Variants in ANTXR1 observed in about 807,000 individuals in gnomAD.
ANTXR1 encodes the protein anthrax toxin receptor 1.
Under a neutral mutation model 78.1 loss-of-function variants are expected in ANTXR1, and 19 were observed. The ratio of observed to expected loss-of-function variants is 0.24; its 90% CI spans 0.17 to 0.36. ANTXR1 has a LOEUF of 0.36. ANTXR1 is among the 10% of genes least tolerant of loss of function. The pLI is 1.00. For missense variants in ANTXR1, 518 were observed against 718.6 expected (o/e 0.72, Z 3.19); for synonymous variants, 273 against 260.5 (o/e 1.05, Z -0.46).
rs184111984 is a variant in ANTXR1, at chr2:69,024,596, C to A, written c.152+10945C>A. On this transcript the variant is annotated intron_variant, in intron 1 of 17. Transcript: ENST00000303714. ...GGGGGAAGGGGTGATCATTCAGATGCTTTCTCCTGAAATCATCTCCTCCTC... is the reference window on the plus strand; with the variant it reads ...GGGGGAAGGGGTGATCATTCAGATGATTTCTCCTGAAATCATCTCCTCCTC... 1.2e-3 allele frequency among the ~76,000 whole-genome samples: 190 copies of A among 152,210 alleles called. 1 individual carries two copies. The highest frequency in any genetic ancestry group is 4.4e-3 in the African/African-American group (183 of 41,530).
At chr2:69,231,908 G>A (rs1675606791) in intron 17 of ANTXR1, among the ~76,000 whole-genome samples, 1 of 152,098 alleles carries the variant, frequency 6.6e-6, no homozygotes, top group African/African-American at 2.4e-5. Context: ...AGGGAGTAGA[G>A]GCATAGACCC....
intron 17 of ANTXR1, among the ~76,000 whole-genome samples, chr2:69,228,841 C>G (rs558205045): frequency 6.6e-6 from 1 of 152,312 alleles, no homozygotes; most frequent in South Asian, 2.1e-4. Flanking sequence ...GGATGCTTCT[C>G]TTAGTGTGCT....
chr2:69,175,345 C>T (rs1412048186), intron 14 of ANTXR1, among the ~76,000 whole-genome samples: 1 of 152,160 alleles, frequency 6.6e-6, no homozygotes, highest in East Asian at 1.9e-4. Flanking sequence ...TATGGTGACT[C>T]ACTCCTGTAA....
At position 69,142,558 on chromosome 2, in the gene ANTXR1, C is replaced by A. The variant is rs978784395; in HGVS notation, c.952-9611C>A. 2.6e-5 allele frequency among the ~76,000 whole-genome samples: 4 copies of A among 152,186 alleles called. No homozygotes were observed. The East Asian group carries it at 7.7e-4, about 29-fold the overall frequency. ...CTGGTCTCTGTTTCCCACTCAATGA[C>A]AAGGGCCATGATTGGCAAAACCGTG... On this transcript the variant is annotated intron_variant, in intron 12 of 17. Transcript: ENST00000303714.
chr2:69,019,501 TCTC>T (rs1671118224), intron 1 of ANTXR1, among the ~76,000 whole-genome samples: 1 of 152,190 alleles, frequency 6.6e-6, no homozygotes, highest in South Asian at 2.1e-4. Flanking sequence ...AACAATTTTA[TCTC>T]CTCTTTTCTC....
chr2:69,197,397 T>G (rs984493092), intron 17 of ANTXR1, among the ~76,000 whole-genome samples: 4 of 152,138 alleles, frequency 2.6e-5, no homozygotes, highest in African/African-American at 9.7e-5. Context: ...GGCAAGCCTT[T>G]CCATTTCATA....
chr2:69,241,899 C>T (rs778155904), intron 17 of ANTXR1, among the ~76,000 whole-genome samples: 1 of 152,158 alleles, frequency 6.6e-6, no homozygotes, highest in Non-Finnish European at 1.5e-5. Context: ...CCTCCTAATA[C>T]CTGTAAGTGA....
rs767424618 is a variant in ANTXR1, at chr2:69,071,739, T to C, written c.379-15T>C. On this transcript the variant is annotated splice_polypyrimidine_tract_variant and intron_variant, in intron 4 of 17. Coordinates refer to ENST00000303714, the MANE Select transcript of ANTXR1 (RefSeq NM_032208.3). ...AGTGGTTATAAGTCTAAGGGCTCTT[T>C]CATATGTTTTTCAGGCCAGTGAGCA... The C allele has an allele frequency of 6.2e-7, 1 of 1,613,818 alleles. No homozygotes were observed. Among genetic ancestry groups the C allele is most frequent in the Non-Finnish European group, 8.5e-7 (1 of 1,179,744 alleles).
chr2:69,113,844 C>T lies in ANTXR1; in HGVS notation c.803-9173C>T, dbSNP rs773438413. Among the ~76,000 whole-genome samples, 4 of 152,188 alleles carry T rather than the reference C, an allele frequency of 2.6e-5. No individual in the cohort carries two copies. The South Asian group carries it at 6.2e-4, about 24-fold the overall frequency. On this transcript the variant is annotated intron_variant, in intron 10 of 17. Coordinates refer to ENST00000303714, the MANE Select transcript of ANTXR1 (RefSeq NM_032208.3). ...GCTTTGCAAATATTTGTATTCTTAG[C>T]AAGTTATAGCTGTTTTAAGTGCTGC...
chr2:69,189,067 T>C (rs1372983063), intron 16 of ANTXR1, among the ~76,000 whole-genome samples: 4 of 152,260 alleles, frequency 2.6e-5, no homozygotes, highest in African/African-American at 4.8e-5. Flanking sequence ...ACACTGTTTT[T>C]CTAAAGCTCT....
chr2:69,121,055 C>T lies in ANTXR1; in HGVS notation c.803-1962C>T, dbSNP rs568338633. The stretch of plus-strand genomic sequence containing the variant: ...CTCCCACTCCATCCCATCACCCAAC[C>T]TCAGGTTTCAGCTTAAATAGCCTTT... On this transcript the variant is annotated intron_variant, in intron 10 of 17. Transcript: ENST00000303714. Among the ~76,000 whole-genome samples the T allele has an allele frequency of 2.0e-5, 3 of 152,320 alleles. No homozygotes were observed. The East Asian group carries it at 5.8e-4, about 29-fold the overall frequency.
Position 69,183,912 on chromosome 2 carries a change from CT to C in ANTXR1, c.1353+1254del, listed in dbSNP as rs553109097. 1.9e-3 allele frequency among the ~76,000 whole-genome samples: 285 copies of C among 152,182 alleles called. 1 individual carries two copies. The highest frequency in any genetic ancestry group is 6.6e-3 in the African/African-American group (274 of 41,510). On this transcript the variant is annotated intron_variant, in intron 16 of 17. Transcript: ENST00000303714. ...ATTTCATACTGAGATAGGCAAAGTCCTTGTTCTGCTGAGGTCTGGAAAACAA... is the reference window on the plus strand; with the variant it reads ...ATTTCATACTGAGATAGGCAAAGTCCTGTTCTGCTGAGGTCTGGAAAACAA...
At chr2:69,208,665 A>C (rs146456234) in intron 17 of ANTXR1, among the ~76,000 whole-genome samples, 325 of 152,346 alleles carry the variant, frequency 2.1e-3, no homozygotes, top group African/African-American at 7.3e-3. Context: ...GCTGGTCCAG[A>C]GGACTGGTCT....
chr2:69,037,444 A>G (rs1669474051), intron 1 of ANTXR1, among the ~76,000 whole-genome samples: 1 of 152,116 alleles, frequency 6.6e-6, no homozygotes, highest in Non-Finnish European at 1.5e-5. Flanking sequence ...GTTAAAAGCA[A>G]CACGGAGAGA....
chr2:69,216,349 T>A (rs912086836), intron 17 of ANTXR1, among the ~76,000 whole-genome samples: 1 of 152,192 alleles, frequency 6.6e-6, no homozygotes, highest in Non-Finnish European at 1.5e-5. Flanking sequence ...GGGTTCTAGA[T>A]GTTTGGGCTG....
intron 9 of ANTXR1, among the ~76,000 whole-genome samples, chr2:69,095,695 G>A (rs576481517): frequency 3.3e-5 from 5 of 152,304 alleles, no homozygotes; most frequent in African/African-American, 1.2e-4. Context: ...TCCAACAATG[G>A]AGTGGATGGT....
Position 69,073,119 on chromosome 2 carries a change from T to C in ANTXR1, c.492+18T>C. 1 of 1,613,192 alleles carries C rather than the reference T, an allele frequency of 6.2e-7. No homozygotes were observed. The highest frequency in any genetic ancestry group is 8.5e-7 in the Non-Finnish European group (1 of 1,179,176). On this transcript the variant is annotated intron_variant, in intron 6 of 17. Coordinates refer to ENST00000303714, the MANE Select transcript of ANTXR1 (RefSeq NM_032208.3). Reference sequence around the variant, plus strand: ...AGAGGGAGGTAAGCAACGGCCTGGCTGTGTCTAAACATATACATGGAACGG... The same window carrying C: ...AGAGGGAGGTAAGCAACGGCCTGGCCGTGTCTAAACATATACATGGAACGG...
intron 17 of ANTXR1, among the ~76,000 whole-genome samples, chr2:69,231,435 A>T (rs1675594726): frequency 6.6e-6 from 1 of 152,182 alleles, no homozygotes. Context: ...GAGTCCAGAA[A>T]AAAAAAGGGA....
At chr2:69,060,345 T>C (rs976535157) in intron 3 of ANTXR1, among the ~76,000 whole-genome samples, 3 of 152,182 alleles carry the variant, frequency 2.0e-5, no homozygotes, top group African/African-American at 7.2e-5. Context: ...TAGAATAAGA[T>C]TTCCATCCCG....
Sources: gnomAD v4.1 joint callset for allele counts (sites outside exome capture counted in the v4.1 genomes callset) on GRCh38, gnomAD v4.1.1 for gene constraint, MANE v1.5 for transcripts, NCBI Gene and HGNC (gene_info 2026-07-23, HGNC 2026-07-21) for gene names.